The following CDH7 variants were observed in gnomAD, a reference collection of about 807,000 sequenced individuals.
The protein encoded by CDH7 is cadherin 7.
In CDH7, 25 loss-of-function variants were observed where a neutral mutation model predicts 71.8. That is an observed-to-expected ratio of 0.35 (90% CI 0.25 to 0.49). The LOEUF is 0.49. CDH7 is among the 20% of genes least tolerant of loss of function. CDH7 has a pLI of 0.99. For synonymous variants in CDH7, 381 were observed against 363.8 expected (o/e 1.05, Z -0.54); for missense variants, 862 against 974.6 (o/e 0.88, Z 1.54).
intron 2 of CDH7, among the ~76,000 whole-genome samples, chr18:65,776,517 G>A (rs2143818035): frequency 6.6e-6 from 1 of 152,230 alleles, no homozygotes; most frequent in African/African-American, 2.4e-5. Context: ...CAGGAGGCAA[G>A]AGATTCTAGT....
intron 2 of CDH7, among the ~76,000 whole-genome samples, chr18:65,773,433 A>G (rs966479540): frequency 2.0e-5 from 3 of 152,138 alleles, no homozygotes; most frequent in Non-Finnish European, 2.9e-5. Context: ...GAATACAGAA[A>G]TTCTTTGTAC....
chr18:65,797,539 C>T (rs1161543582), intron 2 of CDH7, among the ~76,000 whole-genome samples: 1 of 152,184 alleles, frequency 6.6e-6, no homozygotes, highest in East Asian at 1.9e-4. Context: ...AAGAAAACCT[C>T]TCTTAGGCGT....
chr18:65,764,783 G>C (rs1916304584), intron 2 of CDH7, among the ~76,000 whole-genome samples: 1 of 152,012 alleles, frequency 6.6e-6, no homozygotes, highest in South Asian at 2.1e-4. Context: ...AAAGTTGCTT[G>C]GGTGAAGTTG....
At chr18:65,857,358 TAATA>T (rs1568223708) in intron 7 of CDH7, among the ~76,000 whole-genome samples, 3 of 99,892 alleles carry the variant, frequency 3.0e-5, no homozygotes, top group Non-Finnish European at 6.4e-5. Context: ...ATAATAATAA[TAATA>T]AAATAGCCAA....
chr18:65,789,995 C>T (rs987294312), intron 2 of CDH7, among the ~76,000 whole-genome samples: 21 of 151,160 alleles, frequency 1.4e-4, no homozygotes, highest in Non-Finnish European at 2.8e-4. Flanking sequence ...TTTGGGAGGC[C>T]AAGGCAGACG....
intron 11 of CDH7, chr18:65,863,315 G>A (rs1412997228): frequency 2.9e-5 from 6 of 206,310 alleles, no homozygotes; most frequent in Admixed American, 2.1e-4. Context: ...TGGGATTACA[G>A]GAGTGAGCCA....
intron 7 of CDH7, among the ~76,000 whole-genome samples, chr18:65,852,688 A>G (rs758418159): frequency 6.6e-6 from 1 of 152,132 alleles, no homozygotes; most frequent in Non-Finnish European, 1.5e-5. Flanking sequence ...CATCACATCT[A>G]CAAGGGAGGC....
rs1914335476 is a variant in CDH7 at position 65,885,159 on chromosome 18, T to C, written c.*4265T>C. 1 of 152,020 alleles carries C rather than the reference T, an allele frequency of 6.6e-6. No individual in the cohort carries two copies. Among genetic ancestry groups the C allele is most frequent in the Non-Finnish European group, 1.5e-5 (1 of 67,984 alleles). The allele number at this position is 152,020 out of a possible 1,614,324, so 9.4% of individuals were successfully genotyped here. On this transcript the variant is annotated 3_prime_UTR_variant, in exon 12 of 12. Transcript: ENST00000397968. The stretch of plus-strand genomic sequence containing the variant: ...GGAATAATAGCATTTGCATTTTAAA[T>C]GTAATTGAAACTATTTCAGAAGAGT...
At position 65,824,741 on chromosome 18, in the gene CDH7, G is replaced by A; in HGVS notation, c.891G>A (p.Met297Ile). The change falls in exon 6 of 12, where the codon ATG becomes ATA. Residue 297 changes from methionine (M) to isoleucine (I), a missense_variant. Physicochemically the swap from Met to Ile is conservative, Grantham distance 10. Coordinates refer to ENST00000397968, the MANE Select transcript of CDH7 (RefSeq NM_004361.5). Reference sequence around the variant, plus strand: ...CAGATATTGGAGCTAATGCTGAAATGGAGTACAAGATTGTGGATGGTGATG... The same window carrying A: ...CAGATATTGGAGCTAATGCTGAAATAGAGTACAAGATTGTGGATGGTGATG... The part of the protein sequence containing the change: ...ADADIGANAE[M>I]EYKIVDGDGL... 1 of 1,612,638 alleles carries A rather than the reference G, an allele frequency of 6.2e-7. No individual in the cohort carries two copies. Among genetic ancestry groups the A allele is most frequent in the Non-Finnish European group, 8.5e-7 (1 of 1,178,900 alleles).
chr18:65,803,853 G>A (rs929643207), intron 2 of CDH7: 3 of 102,986 alleles, frequency 2.9e-5, no homozygotes, highest in African/African-American at 5.7e-5. Flanking sequence ...AAGTAAATCA[G>A]TGGTTAAAAA....
Position 65,796,121 on chromosome 18 carries a change from A to G in CDH7, c.211-13583A>G, listed in dbSNP as rs148896151. Among the ~76,000 whole-genome samples, 172 of 152,250 alleles carry G rather than the reference A, an allele frequency of 1.1e-3. 1 individual carries two copies. The highest frequency in any genetic ancestry group is 3.9e-3 in the African/African-American group (161 of 41,538). ...TGGACTAATATAATATCCTTTAAAGATATTTTGTGTATGTTATTGACATAG... is the reference window on the plus strand; with the variant it reads ...TGGACTAATATAATATCCTTTAAAGGTATTTTGTGTATGTTATTGACATAG... On this transcript the variant is annotated intron_variant, in intron 2 of 11. Coordinates refer to ENST00000397968, the MANE Select transcript of CDH7 (RefSeq NM_004361.5).
rs1914434221 is a variant in CDH7 at position 65,888,659 on chromosome 18, T to A, written c.*7765T>A. The A allele has an allele frequency of 6.6e-6, 1 of 152,160 alleles. No individual in the cohort carries two copies. The highest frequency in any genetic ancestry group is 1.5e-5 in the Non-Finnish European group (1 of 68,032). 9.4% of individuals were successfully genotyped at this position (152,160 alleles called of 1,614,324 possible). ...CATATACATGGTTTCAATTTTCTTA[T>A]AAGTCTGTGAATCACTCAAGTTAGG... On this transcript the variant is annotated 3_prime_UTR_variant, in exon 12 of 12. Coordinates refer to ENST00000397968, the MANE Select transcript of CDH7 (RefSeq NM_004361.5).
chr18:65,843,161 C>T (rs143322735), intron 6 of CDH7, among the ~76,000 whole-genome samples: 106 of 152,194 alleles, frequency 7.0e-4, no homozygotes, highest in Non-Finnish European at 1.4e-3. Flanking sequence ...TGTAAATCCT[C>T]TTGGAAAATT....
At position 65,859,036 on chromosome 18, in the gene CDH7, A is replaced by G. The variant is rs1913467772; in HGVS notation, c.1484A>G (p.Gln495Arg). The change falls in exon 9 of 12, where the codon CAG becomes CGG. Residue 495 changes from glutamine to arginine, a missense_variant. Transcript: ENST00000397968. ...DYETTVCENA[Q>R]PGQVIQKISA... ...GAGACCACCGTCTGTGAAAATGCCC[A>G]GCCGGGGCAGGTAAGAGTCTTCAGA... 6.2e-7 allele frequency: 1 copy of G among 1,613,374 alleles called. No homozygotes were observed. Among genetic ancestry groups the G allele is most frequent in the Non-Finnish European group, 8.5e-7 (1 of 1,179,538 alleles).
chr18:65,822,327 T>G (rs950726551), intron 5 of CDH7, 79 bp downstream of exon 5: 12 of 1,099,224 alleles, frequency 1.1e-5, no homozygotes, highest in Non-Finnish European at 1.6e-5. Flanking sequence ...AATGACTTTT[T>G]TTCAAATACT....
intron 5 of CDH7, among the ~76,000 whole-genome samples, chr18:65,823,963 T>G (rs1005752856): frequency 1.1e-4 from 17 of 151,920 alleles, no homozygotes; most frequent in African/African-American, 3.6e-4. Flanking sequence ...TTTCTTTAGT[T>G]TGAGGGATGG....
At chr18:65,775,306 A>G (rs1157372127) in intron 2 of CDH7, among the ~76,000 whole-genome samples, 1 of 152,198 alleles carries the variant, frequency 6.6e-6, no homozygotes, top group Non-Finnish European at 1.5e-5. Flanking sequence ...GAAATGGCTC[A>G]GCTTTTCTCC....
At chr18:65,832,571 AATG>A (rs1244016527) in intron 6 of CDH7, among the ~76,000 whole-genome samples, 2 of 152,040 alleles carry the variant, frequency 1.3e-5, no homozygotes, top group Admixed American at 6.5e-5. Context: ...TAAATATAAA[AATG>A]ATGATGAAAT....
chr18:65,768,235 A>AT (rs1291833344), intron 2 of CDH7, among the ~76,000 whole-genome samples: 2 of 137,778 alleles, frequency 1.5e-5, no homozygotes, highest in Non-Finnish European at 3.2e-5. Flanking sequence ...TTTTTTTTTT[A>AT]TTTTTTGGTT....
Sources: allele counts gnomAD v4.1 joint callset (sites outside exome capture counted in the v4.1 genomes callset), GRCh38; gene constraint gnomAD v4.1.1; transcripts MANE v1.5; gene names NCBI Gene and HGNC (gene_info 2026-07-23, HGNC 2026-07-21).